CSMD1: variants seen among roughly 807,000 people sequenced by gnomAD.
CSMD1 encodes CUB and Sushi multiple domains 1, also known as CUB and sushi domain-containing protein 1.
CSMD1 carries 213 observed loss-of-function variants against 417.5 expected under a neutral mutation model. The ratio of observed to expected loss-of-function variants is 0.51; its 90% CI spans 0.46 to 0.57. The LOEUF (loss-of-function observed/expected upper bound fraction) is 0.57. Among genes scored for constraint, CSMD1 ranks in the 20% least tolerant of loss-of-function variants. CSMD1 has a pLI of 0.00. For missense variants in CSMD1, 6,923 were observed against 4,529.7 expected, an observed-to-expected ratio of 1.53 and a Z score of -15.17; for synonymous variants, 2,862 against 1,736.8, an observed-to-expected ratio of 1.65 and a Z score of -16.11.
At chr8:4,012,182 C>G (rs2740948) in intron 4 of CSMD1, among the ~76,000 whole-genome samples, 93,746 of 151,832 alleles carry the variant, frequency 0.62, 29,191 homozygotes, top group East Asian at 0.68. Flanking sequence ...CACCAGTAAA[C>G]AGGGCTGACT....
At chr8:4,734,729 G>C (rs978069402) in intron 1 of CSMD1, among the ~76,000 whole-genome samples, 8 of 152,088 alleles carry the variant, frequency 5.3e-5, no homozygotes, top group African/African-American at 9.7e-5. Flanking sequence ...TGTTTTCATA[G>C]GCAAATAAAT....
Position 3,708,499 on chromosome 8 carries a change from A to G in CSMD1, c.932-8T>C, listed in dbSNP as rs775138399. Reference sequence around the variant, plus strand: ...ACTCAATCGCCTTTTTCACTGGAAGAAACAAAACCAAGCCATTAGCAGGTA... The same window carrying G: ...ACTCAATCGCCTTTTTCACTGGAAGGAACAAAACCAAGCCATTAGCAGGTA... On this transcript the variant is annotated splice_polypyrimidine_tract_variant and splice_region_variant and intron_variant, in intron 6 of 69. Coordinates refer to ENST00000635120, the MANE Select transcript of CSMD1 (RefSeq NM_033225.6). 3 of 1,613,296 alleles carry G rather than the reference A, an allele frequency of 1.9e-6. No individual in the cohort carries two copies. The highest frequency in any genetic ancestry group is 2.5e-6 in the Non-Finnish European group (3 of 1,179,308).
chr8:3,241,977 G>A (rs1410508131), intron 26 of CSMD1, among the ~76,000 whole-genome samples: 1 of 112,518 alleles, frequency 8.9e-6, no homozygotes, highest in African/African-American at 3.1e-5. Context: ...ACGGCCTTTT[G>A]ACCTTTTAGG....
At chr8:3,588,230 C>T (rs1422994772) in intron 8 of CSMD1, among the ~76,000 whole-genome samples, 2 of 151,872 alleles carry the variant, frequency 1.3e-5, no homozygotes, top group Non-Finnish European at 2.9e-5. Context: ...CTCTAAGTAC[C>T]AAAGCGGCAG....
At chr8:3,194,521 G>A (rs1022303233) in intron 33 of CSMD1, among the ~76,000 whole-genome samples, 1 of 151,318 alleles carries the variant, frequency 6.6e-6, no homozygotes, top group African/African-American at 2.4e-5. Flanking sequence ...ACAGTGGTGT[G>A]ATCTAGGCTC....
At chr8:3,797,125 A>G (rs899057216) in intron 5 of CSMD1, among the ~76,000 whole-genome samples, 3 of 151,992 alleles carry the variant, frequency 2.0e-5, no homozygotes, top group African/African-American at 7.2e-5. Context: ...TAAATAATGA[A>G]GTATACTAAT....
intron 26 of CSMD1, among the ~76,000 whole-genome samples, chr8:3,257,985 G>T (rs371727152): frequency 2.6e-5 from 4 of 152,204 alleles, no homozygotes; most frequent in Non-Finnish European, 4.4e-5. Flanking sequence ...CCAGGTGGAA[G>T]GCTATTGCAG....
Position 3,699,770 on chromosome 8 carries a change from G to T in CSMD1, c.1009+8644C>A, listed in dbSNP as rs540838061. ...GGATGCTCCGCAACGAGGGACTGTT[G>T]AATGTGTGAGTGAAGATGTGAAATA... On this transcript the variant is annotated intron_variant, in intron 7 of 69. Coordinates refer to ENST00000635120, the MANE Select transcript of CSMD1 (RefSeq NM_033225.6). Among the ~76,000 whole-genome samples, 44 of 152,302 alleles carry T rather than the reference G, an allele frequency of 2.9e-4. No individual in the cohort carries two copies. The Middle Eastern group carries it at 0.01, about 35-fold the overall frequency.
At chr8:3,471,448 G>A (rs886461567) in intron 11 of CSMD1, among the ~76,000 whole-genome samples, 6 of 152,200 alleles carry the variant, frequency 3.9e-5, no homozygotes, top group Middle Eastern at 3.4e-3. Context: ...TAGTTGCAGG[G>A]CTTTCTATAT....
intron 2 of CSMD1, among the ~76,000 whole-genome samples, chr8:4,563,024 T>C (rs927455366): frequency 1.3e-5 from 2 of 152,196 alleles, no homozygotes; most frequent in Admixed American, 6.5e-5. Flanking sequence ...TTCCGGTGTT[T>C]TAAACAGTGT....
chr8:3,286,415 A>G (rs1803162081), intron 25 of CSMD1, among the ~76,000 whole-genome samples: 1 of 152,092 alleles, frequency 6.6e-6, no homozygotes, highest in Non-Finnish European at 1.5e-5. Flanking sequence ...GACTTCCACA[A>G]TGGTTGAACT....
intron 17 of CSMD1, among the ~76,000 whole-genome samples, chr8:3,395,148 T>G (rs1811608125): frequency 6.6e-6 from 1 of 152,178 alleles, no homozygotes; most frequent in African/African-American, 2.4e-5. Context: ...ATAGTAGACA[T>G]GATTCTATGC....
At position 4,306,945 on chromosome 8, in the gene CSMD1, A is replaced by G. The variant is rs148566024; in HGVS notation, c.415+113008T>C. ...TCAGTGTGGGATTCAGTATCTGTCGATCCTACCCCCAAGCATCTCTCAGAT... is the reference window on the plus strand; with the variant it reads ...TCAGTGTGGGATTCAGTATCTGTCGGTCCTACCCCCAAGCATCTCTCAGAT... On this transcript the variant is annotated intron_variant, in intron 3 of 69. Coordinates refer to ENST00000635120, the MANE Select transcript of CSMD1 (RefSeq NM_033225.6). Among the ~76,000 whole-genome samples, 21 of 152,216 alleles carry G rather than the reference A, an allele frequency of 1.4e-4. No individual in the cohort carries two copies. The East Asian group carries it at 3.9e-3, about 28-fold the overall frequency.
At chr8:4,960,037 T>C (rs991801084) in intron 1 of CSMD1, among the ~76,000 whole-genome samples, 1 of 152,212 alleles carries the variant, frequency 6.6e-6, no homozygotes, top group African/African-American at 2.4e-5. Context: ...ATATGTAGCC[T>C]TCACAGTTAC....
intron 7 of CSMD1, among the ~76,000 whole-genome samples, chr8:3,684,051 G>A (rs986147470): frequency 7.4e-5 from 11 of 149,316 alleles, no homozygotes; most frequent in Non-Finnish European, 1.5e-4. Flanking sequence ...CTATTTTAAT[G>A]TAGTGATAGT....
intron 25 of CSMD1, among the ~76,000 whole-genome samples, chr8:3,289,633 A>T (rs1201645857): frequency 6.8e-6 from 1 of 146,396 alleles, no homozygotes; most frequent in Non-Finnish European, 1.5e-5. Context: ...TCTTTTGAGA[A>T]GTGTCTGTTC....
At chr8:4,355,463 C>G (rs894309554) in intron 3 of CSMD1, among the ~76,000 whole-genome samples, 1 of 151,970 alleles carries the variant, frequency 6.6e-6, no homozygotes, top group Non-Finnish European at 1.5e-5. Flanking sequence ...GCATAAATAG[C>G]TCAAACTCAT....
intron 3 of CSMD1, among the ~76,000 whole-genome samples, chr8:4,069,830 G>C (rs560299624): frequency 2.0e-5 from 3 of 152,202 alleles, no homozygotes; most frequent in African/African-American, 7.2e-5. Context: ...AAAGAATATC[G>C]AAATGAAGAC....
chr8:4,842,897 T>G (rs1226334266), intron 1 of CSMD1, among the ~76,000 whole-genome samples: 2 of 152,166 alleles, frequency 1.3e-5, no homozygotes, highest in African/African-American at 4.8e-5. Flanking sequence ...AAACGTAGAA[T>G]TGGAATAAAT....
Sources: gnomAD v4.1 joint callset for allele counts (sites outside exome capture counted in the v4.1 genomes callset) on GRCh38, gnomAD v4.1.1 for gene constraint, MANE v1.5 for transcripts, NCBI Gene and HGNC (gene_info 2026-07-23, HGNC 2026-07-21) for gene names.